Variants in RADIL observed in about 807,000 individuals in gnomAD.
RADIL encodes Rap associating with DIL domain, also known as ras-associating and dilute domain-containing protein.
In RADIL, 99 loss-of-function variants were observed where a neutral mutation model predicts 97.6. The observed-to-expected ratio is 1.01, with a 90% CI of 0.86 to 1.20. The LOEUF (loss-of-function observed/expected upper bound fraction) is 1.20, where lower values mean the gene tolerates loss of function less well. Ranked by LOEUF, RADIL falls within the 50% of genes most tolerant of loss-of-function variation. RADIL has a pLI of 0.00. For synonymous variants in RADIL, 803 were observed against 691.8 expected (o/e 1.16, Z -2.52); for missense variants, 1,765 against 1,498.9 (o/e 1.18, Z -2.93).
chr7:4,870,633 G>A (rs1200014932), intron 2 of RADIL, among the ~76,000 whole-genome samples: 4 of 152,180 alleles, frequency 2.6e-5, no homozygotes, highest in South Asian at 2.1e-4. Context: ...TAGTAGAGAC[G>A]GGATTTCACC....
chr7:4,802,483 C>G (rs1322259353), intron 11 of RADIL, among the ~76,000 whole-genome samples: 1 of 138,342 alleles, frequency 7.2e-6, no homozygotes, highest in African/African-American at 2.8e-5. Flanking sequence ...GGCTGGGGGG[C>G]CCCCTCCCCA....
rs950240065 is a variant in RADIL, at chr7:4,799,149, A to G, written c.*229T>C. Reference sequence around the variant, plus strand: ...TTATTGAACCGTACTTCTCCATTGAAGTCTTTAAACATAAAAGCTCTGTAA... The same window carrying G: ...TTATTGAACCGTACTTCTCCATTGAGGTCTTTAAACATAAAAGCTCTGTAA... On this transcript the variant is annotated 3_prime_UTR_variant, in exon 15 of 15. Coordinates refer to ENST00000399583, the MANE Select transcript of RADIL (RefSeq NM_018059.5). The G allele has an allele frequency of 7.1e-6, 4 of 559,832 alleles. No homozygotes were observed. The highest frequency in any genetic ancestry group is 1.3e-5 in the Non-Finnish European group (4 of 312,516). The allele number at this position is 559,832 out of a possible 1,614,324, so 34.7% of individuals were successfully genotyped here.
At chr7:4,861,949 G>A (rs1784020181) in intron 2 of RADIL, 2 of 483,710 alleles carry the variant, frequency 4.1e-6, no homozygotes, top group Non-Finnish European at 3.5e-6. Context: ...CCCGCTGCGC[G>A]CCCGCCGCTT....
At chr7:4,827,602 A>C (rs1783030764) in intron 5 of RADIL, among the ~76,000 whole-genome samples, 1 of 152,196 alleles carries the variant, frequency 6.6e-6, no homozygotes, top group Non-Finnish European at 1.5e-5. Context: ...CGGAGGTTGC[A>C]GTGAGCCGAG....
intron 10 of RADIL, among the ~76,000 whole-genome samples, chr7:4,804,369 GGGGCTGCGGGGGGGC>G (rs1562426769): frequency 2.0e-5 from 3 of 152,210 alleles, no homozygotes; most frequent in East Asian, 3.8e-4. Flanking sequence ...ACGGTGACCC[GGGGCTGCGGGGGGGC>G]ATCCAAGGCC....
At chr7:4,875,631 C>T (rs1784359093) in intron 2 of RADIL, among the ~76,000 whole-genome samples, 1 of 152,230 alleles carries the variant, frequency 6.6e-6, no homozygotes, top group African/African-American at 2.4e-5. Context: ...GGCCCTGTCC[C>T]ACTCGCTTTT....
chr7:4,838,710 C>T (rs1783365616), intron 2 of RADIL, among the ~76,000 whole-genome samples: 1 of 152,234 alleles, frequency 6.6e-6, no homozygotes, highest in Non-Finnish European at 1.5e-5. Flanking sequence ...CAACGAGGGG[C>T]CGGAGGTGAG....
chr7:4,803,885 G>A (rs765724494), intron 10 of RADIL, 131 bp from the exon 11 acceptor site: 2 of 839,064 alleles, frequency 2.4e-6, no homozygotes, highest in South Asian at 2.9e-5. Context: ...TGTGGACACA[G>A]GAGGCTGGGA....
rs753624736 is a variant in RADIL at position 4,824,130 on chromosome 7, T to C, written c.1455-1576A>G. Among the ~76,000 whole-genome samples, 7 of 152,238 alleles carry C rather than the reference T, an allele frequency of 4.6e-5. No individual in the cohort carries two copies. The highest frequency in any genetic ancestry group is 4.6e-4 in the Admixed American group (7 of 15,278). The stretch of plus-strand genomic sequence containing the variant: ...CACACAGATCTGACTTGGGTCTGCC[T>C]GGGGTGTGGAGGGCGGCCCTGCTGC... On this transcript the variant is annotated intron_variant, in intron 5 of 14. Transcript: ENST00000399583. This position sits in a 1 kb window ranked among gnomAD's most constrained non-coding sequence, Gnocchi z 6.7.
intron 2 of RADIL, chr7:4,860,589 TCTC>T (rs1340118454): frequency 6.2e-7 from 1 of 1,614,184 alleles, no homozygotes; most frequent in Admixed American, 1.7e-5. Flanking sequence ...AATTCATTCT[TCTC>T]CAAGCTCCCA....
At position 4,837,044 on chromosome 7, in the gene RADIL, C is replaced by T. The variant is rs1783319893; in HGVS notation, c.536-439G>A. On this transcript the variant is annotated intron_variant, in intron 2 of 14. Coordinates refer to ENST00000399583, the MANE Select transcript of RADIL (RefSeq NM_018059.5). The surrounding 1 kb of genome is among the most constrained non-coding windows in gnomAD (Gnocchi z 5.6). Reference sequence around the variant, plus strand: ...TAATGCCGTTACTGTTCTGTCAAAACAGGTCTGGTGGAGACTCAAGGACTC... The same window carrying T: ...TAATGCCGTTACTGTTCTGTCAAAATAGGTCTGGTGGAGACTCAAGGACTC... Among the ~76,000 whole-genome samples, 1 of 152,222 alleles carries T rather than the reference C, an allele frequency of 6.6e-6. No homozygotes were observed. Among genetic ancestry groups the T allele is most frequent in the Admixed American group, 6.5e-5 (1 of 15,284 alleles).
chr7:4,877,574 C>T lies in RADIL; in HGVS notation c.535+31G>A, dbSNP rs188880289. The T allele has an allele frequency of 4.4e-4, 684 of 1,562,196 alleles. 3 individuals are homozygous for T. In the Middle Eastern group the frequency reaches 6.6e-3, roughly 15 times the overall value. On this transcript the variant is annotated intron_variant, in intron 2 of 14. Transcript: ENST00000399583. Reference sequence around the variant, plus strand: ...CTGGCCTTCTCAGCGCTCAGACCCACGGCTCTTCCTGAACCTGTGGCCCCC... The same window carrying T: ...CTGGCCTTCTCAGCGCTCAGACCCATGGCTCTTCCTGAACCTGTGGCCCCC...
Position 4,837,478 on chromosome 7 carries a change from T to A in RADIL, c.536-873A>T, listed in dbSNP as rs551298574. ...CATGGGGCTGCCGATGGCCTGCTCC[T>A]GCAACAGCATCGCTGCCTCCTTCCC... On this transcript the variant is annotated intron_variant, in intron 2 of 14. Coordinates refer to ENST00000399583, the MANE Select transcript of RADIL (RefSeq NM_018059.5). This position sits in a 1 kb window ranked among gnomAD's most constrained non-coding sequence, Gnocchi z 5.6. Among the ~76,000 whole-genome samples, 17 of 152,328 alleles carry A rather than the reference T, an allele frequency of 1.1e-4. No homozygotes were observed. The highest frequency in any genetic ancestry group is 2.5e-4 in the Non-Finnish European group (17 of 68,022).
chr7:4,829,581 C>T (rs893030102), intron 5 of RADIL, among the ~76,000 whole-genome samples: 2 of 152,246 alleles, frequency 1.3e-5, no homozygotes, highest in Admixed American at 6.5e-5. Context: ...CAGGGTTCGG[C>T]TGTGTCTCAA....
chr7:4,846,409 T>C (rs962493365), intron 2 of RADIL, among the ~76,000 whole-genome samples: 48 of 151,778 alleles, frequency 3.2e-4, no homozygotes, highest in Admixed American at 2.8e-3. Context: ...CCTCCCAAAG[T>C]GCTGGGATTA....
chr7:4,816,420 G>A lies in RADIL; in HGVS notation c.1774C>T (p.Gln592Ter), dbSNP rs750318274. The change falls in exon 8 of 15, where the codon CAG becomes TAG. Residue 592 changes from glutamine to a stop codon, truncating the protein, a stop_gained. Transcript: ENST00000399583. LOFTEE classifies it high-confidence loss of function. ...LPALLECPPF[Q>*]TERRESWSSA... is the part of the protein sequence containing the mutation. ...GACCAGCTCTCACGGCGCTCCGTCT[G>A]GAATGGCGGGCACTCCAGGAGTGCC... 3.9e-5 allele frequency: 63 copies of A among 1,608,112 alleles called. No homozygotes were observed. Among genetic ancestry groups the A allele is most frequent in the Non-Finnish European group, 5.2e-5 (61 of 1,178,466 alleles).
At chr7:4,836,053 G>C (rs527686654) in intron 3 of RADIL, among the ~76,000 whole-genome samples, 1 of 152,372 alleles carries the variant, frequency 6.6e-6, no homozygotes, top group East Asian at 1.9e-4. Context: ...AGCCAGGCGG[G>C]AGACCAAGGC....
chr7:4,811,680 G>A (rs1173599985), intron 9 of RADIL, among the ~76,000 whole-genome samples: 1 of 151,228 alleles, frequency 6.6e-6, no homozygotes, highest in Non-Finnish European at 1.5e-5. Flanking sequence ...GTAGAGATGG[G>A]GTTTCACCTT....
intron 2 of RADIL, chr7:4,860,685 T>C (rs768958589): frequency 1.5e-5 from 24 of 1,613,978 alleles, no homozygotes; most frequent in Middle Eastern, 3.3e-4. Context: ...AGAAGTACAA[T>C]ATAATGCTTG....
Sources: allele counts gnomAD v4.1 joint callset (sites outside exome capture counted in the v4.1 genomes callset), GRCh38; gene constraint gnomAD v4.1.1; non-coding constraint Gnocchi (gnomAD v3.1); transcripts MANE v1.5; gene names NCBI Gene and HGNC (gene_info 2026-07-23, HGNC 2026-07-21).